Variants in TRAF3 observed in about 807,000 individuals in gnomAD.
TRAF3 encodes TNF receptor associated factor 3, also known as TNF receptor-associated factor 3.
A neutral mutation model predicts 62.3 loss-of-function variants in TRAF3; 13 were observed. The observed-to-expected ratio is 0.21, with a 90% CI of 0.14 to 0.33. The LOEUF is 0.33. Among genes scored for constraint, TRAF3 ranks in the 10% least tolerant of loss-of-function variants. The pLI, the probability that TRAF3 is intolerant of heterozygous loss-of-function variation, is 1.00. For missense variants in TRAF3, 440 were observed against 741.8 expected (o/e 0.59, Z 4.73); for synonymous variants, 269 against 283.4 (o/e 0.95, Z 0.51).
In TRAF3 at chr14:102,903,094, T is replaced by TGATG. The variant is rs1307879527; in HGVS notation, c.961-160_961-157dup. On this transcript the variant is annotated intron_variant, in intron 10 of 11. Coordinates refer to ENST00000392745, the MANE Select transcript of TRAF3 (RefSeq NM_145725.3). The surrounding 1 kb of genome is among the most constrained non-coding windows in gnomAD (Gnocchi z 6.4). ...GATCCCAGGGAGCTCCCAGGAGGCC[T>TGATG]GATGCAGAGCCCCACTCCTGGAGTC... 1.1e-6 allele frequency: 1 copy of TGATG among 948,522 alleles called. No homozygotes were observed. Among genetic ancestry groups the TGATG allele is most frequent in the South Asian group, 1.4e-5 (1 of 73,086 alleles). 58.8% of individuals were successfully genotyped at this position (948,522 alleles called of 1,614,324 possible).
chr14:102,867,685 C>T (rs752849078), intron 2 of TRAF3, among the ~76,000 whole-genome samples: 23 of 152,144 alleles, frequency 1.5e-4, no homozygotes, highest in Non-Finnish European at 2.5e-4. Context: ...GCTGGTCAAC[C>T]CTTTTACCTG....
intron 7 of TRAF3, 72 bp from the exon 8 acceptor site, chr14:102,889,488 C>A (rs1889589626): frequency 6.8e-7 from 1 of 1,462,524 alleles, no homozygotes. Context: ...CAGATGCTAT[C>A]TGTGCCCTAA....
chr14:102,875,811 T>C lies in TRAF3; in HGVS notation c.402+83T>C. 9 of 1,211,410 alleles carry C rather than the reference T, an allele frequency of 7.4e-6. 1 individual carries two copies. The South Asian group carries it at 9.7e-5, about 13-fold the overall frequency. 75.0% of individuals were successfully genotyped at this position (1,211,410 alleles called of 1,614,324 possible). A position where few individuals can be genotyped will look rare whatever the true frequency, so the allele number is the denominator to read the frequency against. On this transcript the variant is annotated intron_variant, in intron 5 of 11. Transcript: ENST00000392745. ...CCAGCTGATGAAGTGGTCAGTAGGA[T>C]GTGGCACTTTAAGACCATGTTGACA...
At chr14:102,814,899 T>G (rs1333480685) in intron 1 of TRAF3, among the ~76,000 whole-genome samples, 1 of 152,206 alleles carries the variant, frequency 6.6e-6, no homozygotes, top group Non-Finnish European at 1.5e-5. Context: ...TATCTACTTT[T>G]TCTTTGGCTT....
chr14:102,850,650 A>G (rs962602584), intron 2 of TRAF3, among the ~76,000 whole-genome samples: 19 of 143,336 alleles, frequency 1.3e-4, no homozygotes, highest in African/African-American at 4.6e-4. Flanking sequence ...AGATTGCGCC[A>G]CTGCACTCCA....
At chr14:102,815,059 C>T (rs1005468947) in intron 1 of TRAF3, among the ~76,000 whole-genome samples, 6 of 152,126 alleles carry the variant, frequency 3.9e-5, no homozygotes, top group Non-Finnish European at 8.8e-5. Context: ...CCTTAGCCTC[C>T]TGAGTAGCTA....
At position 102,806,994 on chromosome 14, in the gene TRAF3, A is replaced by G. The variant is rs191615275; in HGVS notation, c.-156-23340A>G. On this transcript the variant is annotated intron_variant, in intron 1 of 11. Coordinates refer to ENST00000392745, the MANE Select transcript of TRAF3 (RefSeq NM_145725.3). ...ATTTCTTGGTCCCTCTTCTCTCACA[A>G]TCTGTCGTTGGTGCTCACTTCTGCA... Among the ~76,000 whole-genome samples, 539 of 151,948 alleles carry G rather than the reference A, an allele frequency of 3.5e-3. 7 individuals are homozygous for G. The highest frequency in any genetic ancestry group is 0.012 in the African/African-American group (508 of 41,432).
chr14:102,886,571 T>C (rs1002023064), intron 7 of TRAF3, among the ~76,000 whole-genome samples: 3 of 151,848 alleles, frequency 2.0e-5, no homozygotes, highest in East Asian at 3.9e-4. Flanking sequence ...GACTGGCCAA[T>C]GTGCTGAAAC....
chr14:102,877,846 C>T (rs1041760343), intron 6 of TRAF3, among the ~76,000 whole-genome samples: 3 of 151,164 alleles, frequency 2.0e-5, no homozygotes, highest in Non-Finnish European at 4.4e-5. Context: ...CCTCCCTCAA[C>T]TCATAGATAA....
chr14:102,797,212 T>C (rs1439866211), intron 1 of TRAF3, among the ~76,000 whole-genome samples: 5 of 152,350 alleles, frequency 3.3e-5, no homozygotes, highest in Admixed American at 2.0e-4. Flanking sequence ...CTTTTTATAT[T>C]GTCTTAAGCT....
chr14:102,777,868 A>G (rs1473975186), intron 1 of TRAF3, among the ~76,000 whole-genome samples, 193 bp downstream of exon 1: 1 of 147,726 alleles, frequency 6.8e-6, no homozygotes, highest in Non-Finnish European at 1.5e-5. Context: ...CCCGCGCCCC[A>G]GCCGGGCTGC....
intron 1 of TRAF3, among the ~76,000 whole-genome samples, chr14:102,788,718 A>C (rs1056990718): frequency 4.6e-5 from 7 of 152,318 alleles, no homozygotes; most frequent in Middle Eastern, 3.4e-3. Context: ...GAATCACTTG[A>C]GCCCAGGAGG....
intron 8 of TRAF3, 121 bp downstream of exon 8, chr14:102,889,755 C>A (rs1889604595): frequency 2.4e-6 from 3 of 1,257,158 alleles, no homozygotes; most frequent in South Asian, 2.4e-5. Context: ...AACTGAAACA[C>A]CCTGTTGCAT....
intron 1 of TRAF3, among the ~76,000 whole-genome samples, chr14:102,794,950 A>G (rs552192253): frequency 6.0e-4 from 91 of 152,318 alleles, no homozygotes; most frequent in African/African-American, 1.9e-3. Context: ...CATTTTAAAA[A>G]TTTGTTGAAA....
chr14:102,796,681 C>T (rs1368474262), intron 1 of TRAF3, among the ~76,000 whole-genome samples: 5 of 152,188 alleles, frequency 3.3e-5, no homozygotes, highest in Admixed American at 3.3e-4. Context: ...GGTCGATGCC[C>T]CGGAATGACT....
In TRAF3 at chr14:102,910,283, T is replaced by C. The variant is rs1199343701; in HGVS notation, c.*4499T>C. 1 of 152,252 alleles carries C rather than the reference T, an allele frequency of 6.6e-6. No individual in the cohort carries two copies. The highest frequency in any genetic ancestry group is 2.4e-5 in the African/African-American group (1 of 41,468). 9.4% of individuals were successfully genotyped at this position (152,252 alleles called of 1,614,324 possible). The stretch of plus-strand genomic sequence containing the variant: ...TAAAAATTTTAGTCCAGATCTTTAC[T>C]TATTAGACTGCAGAAGGAGAGCTAG... On this transcript the variant is annotated 3_prime_UTR_variant, in exon 12 of 12. Coordinates refer to ENST00000392745, the MANE Select transcript of TRAF3 (RefSeq NM_145725.3).
At chr14:102,877,485 CG>C (rs1337156255) in intron 6 of TRAF3, among the ~76,000 whole-genome samples, 7 of 142,872 alleles carry the variant, frequency 4.9e-5, no homozygotes, top group African/African-American at 5.7e-5. Flanking sequence ...ACAGGCCTTC[CG>C]CTCAACTCAT....
At chr14:102,836,487 A>G (rs1488366042) in intron 2 of TRAF3, among the ~76,000 whole-genome samples, 1 of 152,262 alleles carries the variant, frequency 6.6e-6, no homozygotes, top group Non-Finnish European at 1.5e-5. Flanking sequence ...GTGAATCATT[A>G]GTGTATTAGG....
At chr14:102,795,596 A>ATG (rs1189667975) in intron 1 of TRAF3, among the ~76,000 whole-genome samples, 1,970 of 129,228 alleles carry the variant, frequency 0.015, 24 homozygotes, top group African/African-American at 0.032. Flanking sequence ...TGATATGTAT[A>ATG]TATGTGTGTG....
Sources: gnomAD v4.1 joint callset for allele counts (sites outside exome capture counted in the v4.1 genomes callset) on GRCh38, gnomAD v4.1.1 for gene constraint, Gnocchi (gnomAD v3.1) non-coding constraint, MANE v1.5 for transcripts, NCBI Gene and HGNC (gene_info 2026-07-23, HGNC 2026-07-21) for gene names.